ITSN1: variants seen among roughly 807,000 people sequenced by gnomAD.
ITSN1 encodes the protein intersectin 1, also known as intersectin-1.
Under a neutral mutation model 239.8 loss-of-function variants are expected in ITSN1, and 58 were observed. The ratio of observed to expected loss-of-function variants is 0.24; its 90% CI spans 0.20 to 0.30. ITSN1 has a LOEUF of 0.30. ITSN1 is among the 10% of genes least tolerant of loss of function. The pLI is 1.00. For missense variants in ITSN1, 1,558 were observed against 2,103.3 expected (o/e 0.74, Z 5.07); for synonymous variants, 780 against 770.8 (o/e 1.01, Z -0.20).
At chr21:33,868,450 G>C (rs1214307374) in intron 33 of ITSN1, among the ~76,000 whole-genome samples, 1 of 152,218 alleles carries the variant, frequency 6.6e-6, no homozygotes, top group African/African-American at 2.4e-5. Context: ...CTGCAGTCCC[G>C]AGCCCTGCCC....
chr21:33,814,091 A>T lies in ITSN1; in HGVS notation c.2727+19A>T. The T allele has an allele frequency of 6.2e-7, 1 of 1,612,764 alleles. No homozygotes were observed. Among genetic ancestry groups the T allele is most frequent in the Non-Finnish European group, 8.5e-7 (1 of 1,179,312 alleles). On this transcript the variant is annotated intron_variant, in intron 22 of 39. Transcript: ENST00000381318. ...AGGCCAGGTAAAGGCAGCCAGTGAG[A>T]GTGTGAAGACTTAGCATGCTATCTA...
intron 1 of ITSN1, among the ~76,000 whole-genome samples, chr21:33,713,273 T>G (rs2092466760): frequency 6.6e-6 from 1 of 151,722 alleles, no homozygotes; most frequent in South Asian, 2.1e-4. Context: ...GGAGTCTTGC[T>G]CCGTCTCCCA....
intron 29 of ITSN1, among the ~76,000 whole-genome samples, chr21:33,841,595 TAAG>T (rs2074824942): frequency 6.6e-6 from 1 of 152,142 alleles, no homozygotes; most frequent in African/African-American, 2.4e-5. Flanking sequence ...TCATTTGGTC[TAAG>T]AAGGAGGCTG....
intron 27 of ITSN1, among the ~76,000 whole-genome samples, chr21:33,833,727 C>T (rs569736948): frequency 3.3e-5 from 5 of 152,160 alleles, no homozygotes; most frequent in South Asian, 4.1e-4. Flanking sequence ...CAAAATTAGC[C>T]GGGCATGGTT....
intron 29 of ITSN1, among the ~76,000 whole-genome samples, chr21:33,855,117 T>A (rs1339030317): frequency 6.6e-6 from 1 of 152,184 alleles, no homozygotes; most frequent in Non-Finnish European, 1.5e-5. Flanking sequence ...TTTCAGCATA[T>A]AGGCTAGATC....
At chr21:33,816,024 A>T (rs1010139907) in intron 22 of ITSN1, among the ~76,000 whole-genome samples, 6 of 152,042 alleles carry the variant, frequency 3.9e-5, no homozygotes, top group East Asian at 1.9e-4. Flanking sequence ...TCTACTAAAA[A>T]AAATAAATAA....
At chr21:33,855,358 T>C (rs1165495163) in intron 29 of ITSN1, among the ~76,000 whole-genome samples, 1 of 152,214 alleles carries the variant, frequency 6.6e-6, no homozygotes, top group African/African-American at 2.4e-5. Flanking sequence ...TGACAACCAC[T>C]GGTCCCCAGC....
intron 5 of ITSN1, among the ~76,000 whole-genome samples, chr21:33,742,353 C>T (rs2066913899): frequency 6.6e-6 from 1 of 152,120 alleles, no homozygotes; most frequent in Admixed American, 6.5e-5. Context: ...CCGCGCCTGG[C>T]CCTATTTTTA....
chr21:33,793,054 C>T (rs1213768429), intron 16 of ITSN1, among the ~76,000 whole-genome samples: 1 of 152,146 alleles, frequency 6.6e-6, no homozygotes, highest in Non-Finnish European at 1.5e-5. Flanking sequence ...CTCAGCGTCA[C>T]TTACAGTTTA....
intron 26 of ITSN1, chr21:33,828,987 A>T (rs1429133944): frequency 2.1e-6 from 1 of 471,584 alleles, no homozygotes; most frequent in Non-Finnish European, 4.4e-6. Flanking sequence ...GTAACGTGAA[A>T]TAAAAAGAAA....
chr21:33,693,063 T>C (rs2091623194), intron 1 of ITSN1, among the ~76,000 whole-genome samples: 1 of 152,140 alleles, frequency 6.6e-6, no homozygotes, highest in Non-Finnish European at 1.5e-5. Flanking sequence ...CCCGAAGTGC[T>C]GGGATTATAG....
At chr21:33,886,236 G>T (rs1297007751) in intron 38 of ITSN1, 51 bp from the exon 39 acceptor site, 49 of 1,332,048 alleles carry the variant, frequency 3.7e-5, no homozygotes, top group Non-Finnish European at 4.5e-5. Flanking sequence ...AAAGAGTGGA[G>T]ATCAAAATGA....
intron 1 of ITSN1, among the ~76,000 whole-genome samples, chr21:33,683,309 T>A (rs1274023525): frequency 1.3e-5 from 2 of 152,158 alleles, no homozygotes; most frequent in Non-Finnish European, 2.9e-5. Flanking sequence ...AGTCCTACTG[T>A]CTTTTTGTGA....
At chr21:33,776,332 G>C (rs1475146033) in intron 14 of ITSN1, among the ~76,000 whole-genome samples, 7 of 150,518 alleles carry the variant, frequency 4.7e-5, no homozygotes, top group Non-Finnish European at 8.8e-5. Context: ...TAAGAGGATT[G>C]CTTGAGCTCA....
chr21:33,827,917 GA>G (rs1394595252), intron 26 of ITSN1, among the ~76,000 whole-genome samples: 1 of 152,182 alleles, frequency 6.6e-6, no homozygotes, highest in Admixed American at 6.5e-5. Flanking sequence ...CATGGCTAGG[GA>G]AAAGAAGGGA....
At chr21:33,658,879 A>C (rs2146233252) in intron 1 of ITSN1, among the ~76,000 whole-genome samples, 1 of 152,310 alleles carries the variant, frequency 6.6e-6, no homozygotes, top group Middle Eastern at 3.4e-3. Flanking sequence ...AAATCTTTGG[A>C]ATTTCCTGAG....
intron 20 of ITSN1, among the ~76,000 whole-genome samples, chr21:33,808,383 G>A (rs954585521): frequency 6.6e-5 from 10 of 152,024 alleles, no homozygotes; most frequent in African/African-American, 2.4e-4. Context: ...TCAGGAGTTC[G>A]AGACCAGCCT....
At chr21:33,661,193 C>T (rs1397330281) in intron 1 of ITSN1, among the ~76,000 whole-genome samples, 1 of 151,676 alleles carries the variant, frequency 6.6e-6, no homozygotes, top group Non-Finnish European at 1.5e-5. Flanking sequence ...TCTGAATAAT[C>T]ATAGTTTTTT....
intron 12 of ITSN1, 125 bp downstream of exon 12, chr21:33,772,448 A>G: frequency 8.3e-7 from 1 of 1,208,912 alleles, no homozygotes; most frequent in Admixed American, 2.6e-5. Flanking sequence ...ATATTCCCAA[A>G]GTTGTGCAAC....
Sources: gnomAD v4.1 joint callset for allele counts (sites outside exome capture counted in the v4.1 genomes callset) on GRCh38, gnomAD v4.1.1 for gene constraint, MANE v1.5 for transcripts, NCBI Gene and HGNC (gene_info 2026-07-23, HGNC 2026-07-21) for gene names.